The following USP36 variants were observed in gnomAD, a reference collection of about 807,000 sequenced individuals.
USP36 encodes ubiquitin specific peptidase 36.
Under a neutral mutation model 111.5 loss-of-function variants are expected in USP36, and 59 were observed. The ratio of observed to expected loss-of-function variants is 0.53; its 90% CI spans 0.43 to 0.66. The LOEUF (loss-of-function observed/expected upper bound fraction) is 0.66, where lower values mean the gene tolerates loss of function less well. USP36 is among the 30% of genes least tolerant of loss of function. The probability of loss-of-function intolerance (pLI) is 0.00; values close to 1 mark genes in which losing one functional copy is unlikely to be tolerated. For synonymous variants in USP36, 628 were observed against 581.0 expected (o/e 1.08, Z -1.16); for missense variants, 1,488 against 1,468.0 (o/e 1.01, Z -0.22).
chr17:78,811,655 G>A (rs1314796321), intron 13 of USP36, among the ~76,000 whole-genome samples: 1 of 152,162 alleles, frequency 6.6e-6, no homozygotes, highest in South Asian at 2.1e-4. Flanking sequence ...GGATCAGGAG[G>A]TCAGCAGATA....
rs914605665 is a variant in USP36, at chr17:78,814,401, A to C, written c.1164+11T>G. The C allele has an allele frequency of 1.2e-6, 2 of 1,613,718 alleles. No individual in the cohort carries two copies. Among genetic ancestry groups the C allele is most frequent in the Non-Finnish European group, 1.7e-6 (2 of 1,179,958 alleles). On this transcript the variant is annotated intron_variant, in intron 11 of 20. Coordinates refer to ENST00000449938, the MANE Select transcript of USP36 (RefSeq NM_001385174.1). ...TCCCAGGAGGCAGCTGCACTGACACAAGCCTCTCACCTTCACGTAGCAGTA... is the reference window on the plus strand; with the variant it reads ...TCCCAGGAGGCAGCTGCACTGACACCAGCCTCTCACCTTCACGTAGCAGTA...
chr17:78,787,531 C>T (rs2093545905), exon 4 of USP36: 1 of 152,198 alleles, frequency 6.6e-6, no homozygotes, highest in African/African-American at 2.4e-5. Context: ...GGTGTATATT[C>T]AGTCGCTGAA....
downstream of USP36, among the ~76,000 whole-genome samples, chr17:78,794,207 T>C (rs141304755): frequency 7.2e-4 from 110 of 152,356 alleles, no homozygotes; most frequent in African/African-American, 2.5e-3. Flanking sequence ...CGGCTGGTCA[T>C]GCTCACCTGC....
At chr17:78,818,876 T>C in intron 9 of USP36, 98 bp from the exon 10 acceptor site, 2 of 1,213,356 alleles carry the variant, frequency 1.6e-6, no homozygotes, top group Non-Finnish European at 2.4e-6. Context: ...AACTGCTCTG[T>C]AATAGTGGAA....
At chr17:78,792,442 G>T (rs994364407), downstream of USP36, among the ~76,000 whole-genome samples, 17 of 152,108 alleles carry the variant, frequency 1.1e-4, no homozygotes, top group Non-Finnish European at 2.9e-5. Flanking sequence ...CTATACTACA[G>T]TTCCTTCCCA....
At position 78,798,323 on chromosome 17, in the gene USP36, A is replaced by AC. The variant is rs1233991045; in HGVS notation, c.*20+76dup. On this transcript the variant is annotated intron_variant, in intron 20 of 20. Coordinates refer to ENST00000449938, the MANE Select transcript of USP36 (RefSeq NM_001385174.1). This position sits in a 1 kb window ranked among gnomAD's most constrained non-coding sequence, Gnocchi z 5.1. ...CACATACATCATACACACACGCCACACCCCACCACACCCCTACACACATAC... is the reference window on the plus strand; with the variant it reads ...CACATACATCATACACACACGCCACACCCCCACCACACCCCTACACACATAC... The AC allele has an allele frequency of 6.4e-7, 1 of 1,555,182 alleles. No homozygotes were observed. The highest frequency in any genetic ancestry group is 8.7e-7 in the Non-Finnish European group (1 of 1,149,508).
intron 13 of USP36, among the ~76,000 whole-genome samples, chr17:78,808,482 C>A (rs1394793846): frequency 6.6e-6 from 1 of 152,160 alleles, no homozygotes; most frequent in Non-Finnish European, 1.5e-5. Flanking sequence ...AATTCCTGAG[C>A]TCAAGCAATC....
chr17:78,840,352 G>A (rs956964737), intron 1 of USP36: 9 of 152,550 alleles, frequency 5.9e-5, no homozygotes, highest in Non-Finnish European at 8.8e-5. Flanking sequence ...CCGCCCCGCT[G>A]AGCTCTGCGG....
Position 78,798,894 on chromosome 17 carries a change from A to G in USP36, c.3240+14T>C. On this transcript the variant is annotated intron_variant, in intron 19 of 20. Coordinates refer to ENST00000449938, the MANE Select transcript of USP36 (RefSeq NM_001385174.1). The surrounding 1 kb of genome is among the most constrained non-coding windows in gnomAD (Gnocchi z 5.1). Reference sequence around the variant, plus strand: ...CTGCTCCCTCAAGCCTGTGGTCAGCATCACACATCATACCTTCCCTCGGTC... The same window carrying G: ...CTGCTCCCTCAAGCCTGTGGTCAGCGTCACACATCATACCTTCCCTCGGTC... 1 of 1,613,830 alleles carries G rather than the reference A, an allele frequency of 6.2e-7. No homozygotes were observed. The highest frequency in any genetic ancestry group is 8.5e-7 in the Non-Finnish European group (1 of 1,179,874).
intron 4 of USP36, among the ~76,000 whole-genome samples, chr17:78,831,880 T>G (rs528273842): frequency 6.7e-6 from 1 of 148,846 alleles, no homozygotes; most frequent in South Asian, 2.1e-4. Flanking sequence ...GAGGTGGAGG[T>G]TGCAGTCAGC....
chr17:78,841,061 G>T (rs897337904), upstream of USP36: 1 of 152,222 alleles, frequency 6.6e-6, no homozygotes, highest in Non-Finnish European at 1.5e-5. Context: ...CTGTGCCGCG[G>T]CAGGGTGACG....
downstream of USP36, among the ~76,000 whole-genome samples, chr17:78,794,327 A>C (rs952388176): frequency 1.3e-5 from 2 of 152,226 alleles, no homozygotes; most frequent in African/African-American, 4.8e-5. Context: ...CTTCTTGTCC[A>C]AACTGTCAAA....
At chr17:78,819,815 G>A (rs1487930406) in intron 9 of USP36, 115 bp downstream of exon 9, 2 of 1,056,014 alleles carry the variant, frequency 1.9e-6, no homozygotes, top group Admixed American at 4.4e-5. Flanking sequence ...GGTTCCTCAA[G>A]AAATGCGAGC....
At chr17:78,815,424 C>G (rs1483684489) in intron 10 of USP36, among the ~76,000 whole-genome samples, 1 of 152,204 alleles carries the variant, frequency 6.6e-6, no homozygotes, top group African/African-American at 2.4e-5. Context: ...ATTGTCCCAT[C>G]AAGCAATGCA....
chr17:78,807,531 T>C lies in USP36; in HGVS notation c.1513A>G (p.Ile505Val), dbSNP rs143571508. ...GACCCCGAGGGCAGCTTTGGAGGAA[T>C]GCAGCCGTTCTGGGACTTCAGGCCC... ...TLGLKSQNGC[I>V]PPKLPSGSPS... The change falls in exon 14 of 21, where the codon ATT (isoleucine) becomes GTT (valine). Residue 505 changes from isoleucine to valine, a missense_variant. Physicochemically the swap from Ile to Val is conservative, Grantham distance 29. Around this residue, in one of 3 missense-constraint regions of USP36, gnomAD observed 1,073 missense variants for 994.1 expected, o/e 1.08. Coordinates refer to ENST00000449938, the MANE Select transcript of USP36 (RefSeq NM_001385174.1). 2.3e-4 allele frequency: 364 copies of C among 1,613,674 alleles called. 3 individuals carry two copies. In the African/African-American group the frequency reaches 4.3e-3, roughly 19 times the overall value.
rs1233914578 is a variant in USP36, at chr17:78,797,118, T to G, written c.*782A>C. On this transcript the variant is annotated 3_prime_UTR_variant, in exon 21 of 21. Coordinates refer to ENST00000449938, the MANE Select transcript of USP36 (RefSeq NM_001385174.1). ...AAGTAGTAAAATAAATGGAGAATTC[T>G]ACCCCAAAGCCTCCACCTCAGTGAA... 1 of 152,244 alleles carries G rather than the reference T, an allele frequency of 6.6e-6. No homozygotes were observed. The highest frequency in any genetic ancestry group is 1.5e-5 in the Non-Finnish European group (1 of 68,048). 9.4% of individuals were successfully genotyped at this position (152,244 alleles called of 1,614,324 possible).
At chr17:78,790,060 C>G (rs918395767) in intron 3 of USP36, among the ~76,000 whole-genome samples, 2 of 152,160 alleles carry the variant, frequency 1.3e-5, no homozygotes, top group Non-Finnish European at 2.9e-5. Flanking sequence ...AGAACTGTAG[C>G]CACATAAGAC....
chr17:78,819,080 A>G (rs1318322831), intron 9 of USP36: 1 of 235,618 alleles, frequency 4.2e-6, no homozygotes, highest in Admixed American at 5.2e-5. Flanking sequence ...AACACAGGAA[A>G]GAGCAAATTA....
Position 78,815,828 on chromosome 17 carries a change from CAT to C in USP36, c.1024-1278_1024-1277del, listed in dbSNP as rs200912475. On this transcript the variant is annotated intron_variant, in intron 10 of 20. Transcript: ENST00000449938. ...CATACATCGTATACACACATGCACA[CAT>C]ATATACATACACACACACATATGCA... is the stretch of plus-strand genomic sequence containing the variant. Among the ~76,000 whole-genome samples, 274 of 147,632 alleles carry C rather than the reference CAT, an allele frequency of 1.9e-3. 7 individuals carry two copies. The East Asian group carries it at 0.047, about 25-fold the overall frequency.
Sources: gnomAD v4.1 joint callset for allele counts (sites outside exome capture counted in the v4.1 genomes callset) on GRCh38, gnomAD v4.1.1 for gene constraint, gnomAD v4.1.1 regional missense constraint, Gnocchi (gnomAD v3.1) non-coding constraint, MANE v1.5 for transcripts, NCBI Gene and HGNC (gene_info 2026-07-23, HGNC 2026-07-21) for gene names.